The following SGK1 variants were observed in gnomAD, a reference collection of about 807,000 sequenced individuals.
SGK1 encodes serum/glucocorticoid regulated kinase 1.
SGK1 carries 26 observed loss-of-function variants against 64.2 expected under a neutral mutation model. The observed-to-expected ratio is 0.40, with a 90% confidence interval of 0.30 to 0.56. SGK1 has a LOEUF of 0.56. SGK1 is among the 20% of genes least tolerant of loss of function. The pLI, the probability that SGK1 is intolerant of heterozygous loss-of-function variation, is 0.38. For missense variants in SGK1, 519 were observed against 645.6 expected (o/e 0.80, Z 2.12); for synonymous variants, 265 against 239.7 (o/e 1.11, Z -0.98).
At position 134,269,445 on chromosome 6, in the gene SGK1, G is replaced by A. The variant is rs1053573860; in HGVS notation, c.70-7297C>T. Among the ~76,000 whole-genome samples the A allele has an allele frequency of 1.2e-4, 18 of 147,492 alleles. 2 individuals carry two copies. In the Admixed American group the frequency reaches 1.3e-3, roughly 10 times the overall value. Reference sequence around the variant, plus strand: ...AGGCCGAGGCAGGTGGATCATTTGAGGCCAGGTGTTAAAGACCAGGCTGGC... The same window carrying A: ...AGGCCGAGGCAGGTGGATCATTTGAAGCCAGGTGTTAAAGACCAGGCTGGC... On this transcript the variant is annotated intron_variant, in intron 1 of 13. Coordinates refer to ENST00000367858, the MANE Select transcript of SGK1 (RefSeq NM_001143676.3).
chr6:134,174,462 G>T, intron 4 of SGK1, 49 bp downstream of exon 4: 1 of 1,396,522 alleles, frequency 7.2e-7, no homozygotes, highest in Non-Finnish European at 1.0e-6. Context: ...GTTTACCGCT[G>T]GCAAATTCAA....
intron 1 of SGK1, among the ~76,000 whole-genome samples, chr6:134,286,291 C>A (rs1462520811): frequency 2.0e-5 from 3 of 152,044 alleles, no homozygotes; most frequent in Non-Finnish European, 4.4e-5. Flanking sequence ...AGGCCTGTCT[C>A]TACAAAAAAT....
At chr6:134,304,556 C>T (rs1261993759) in intron 1 of SGK1, among the ~76,000 whole-genome samples, 3 of 151,912 alleles carry the variant, frequency 2.0e-5, no homozygotes, top group Admixed American at 6.6e-5. Flanking sequence ...ATCTGGGAGG[C>T]GGAGGTTGCA....
intron 2 of SGK1, among the ~76,000 whole-genome samples, chr6:134,243,475 T>G (rs1404054997): frequency 6.6e-6 from 1 of 152,170 alleles, no homozygotes; most frequent in Non-Finnish European, 1.5e-5. Context: ...GTTCAAGCGA[T>G]TCCCCTGCCT....
At chr6:134,258,997 G>A (rs1276741590) in intron 2 of SGK1, among the ~76,000 whole-genome samples, 2 of 151,918 alleles carry the variant, frequency 1.3e-5, no homozygotes, top group African/African-American at 4.8e-5. Flanking sequence ...CAAAAAAAAA[G>A]TAATAAAATA....
intron 2 of SGK1, among the ~76,000 whole-genome samples, chr6:134,214,021 C>T (rs9493858): frequency 0.18 from 27,222 of 151,966 alleles, 3,128 homozygotes; most frequent in African/African-American, 0.33. Context: ...TCTTGCCTTA[C>T]TTTTTGGCTG....
rs1185952512 is a variant in SGK1, at chr6:134,317,338, A to G, written c.69+54T>C. On this transcript the variant is annotated intron_variant, in intron 1 of 13. Coordinates refer to ENST00000367858, the MANE Select transcript of SGK1 (RefSeq NM_001143676.3). ...AGGCTTACTTCAGGCAAACATTCAA[A>G]AGCATTTAAGAGAAGCACAGAAAAC... 2.3e-5 allele frequency: 26 copies of G among 1,134,110 alleles called. No homozygotes were observed. The East Asian group carries it at 6.1e-4, about 26-fold the overall frequency. 70.3% of individuals were successfully genotyped at this position (1,134,110 alleles called of 1,614,324 possible). A position where few individuals can be genotyped will look rare whatever the true frequency, so the allele number is the denominator to read the frequency against.
At chr6:134,254,713 A>G (rs979908426) in intron 2 of SGK1, among the ~76,000 whole-genome samples, 6 of 152,170 alleles carry the variant, frequency 3.9e-5, no homozygotes, top group African/African-American at 1.2e-4. Context: ...TTACCCACAC[A>G]TATATACTCA....
chr6:134,206,732 T>C (rs975675347), intron 3 of SGK1, among the ~76,000 whole-genome samples: 5 of 151,166 alleles, frequency 3.3e-5, no homozygotes, highest in African/African-American at 1.2e-4. Context: ...CCAGGCATGG[T>C]GGCTCATGCC....
At chr6:134,234,966 A>G (rs1196548188) in intron 2 of SGK1, among the ~76,000 whole-genome samples, 1 of 152,198 alleles carries the variant, frequency 6.6e-6, no homozygotes, top group Non-Finnish European at 1.5e-5. Context: ...CAAGTATTGG[A>G]AAAAAAGACC....
At chr6:134,201,065 CTTT>C (rs71003673) in intron 3 of SGK1, among the ~76,000 whole-genome samples, 1 of 138,580 alleles carries the variant, frequency 7.2e-6, no homozygotes, top group Non-Finnish European at 1.5e-5. Flanking sequence ...TTCTTTTCTT[CTTT>C]TTTTTTTTTT....
At chr6:134,268,096 C>T (rs1280579186) in intron 1 of SGK1, among the ~76,000 whole-genome samples, 1 of 152,166 alleles carries the variant, frequency 6.6e-6, no homozygotes, top group African/African-American at 2.4e-5. Flanking sequence ...GGCAAGGTGC[C>T]CTTCAAAACT....
rs1774981873 is a variant in SGK1 at position 134,170,535 on chromosome 6, T to G, written c.1414-100A>C. 7 of 1,125,988 alleles carry G rather than the reference T, an allele frequency of 6.2e-6. No homozygotes were observed. In the Admixed American group the frequency reaches 1.2e-4, roughly 19 times the overall value. 69.7% of individuals were successfully genotyped at this position (1,125,988 alleles called of 1,614,324 possible). A position where few individuals can be genotyped will look rare whatever the true frequency, so the allele number is the denominator to read the frequency against. ...TTAAATACCAAGTTTAAGTCTTATATCAACTTCCATAATCACCCACTTCAA... is the reference window on the plus strand; with the variant it reads ...TTAAATACCAAGTTTAAGTCTTATAGCAACTTCCATAATCACCCACTTCAA... On this transcript the variant is annotated intron_variant, in intron 13 of 13. Transcript: ENST00000367858.
intron 2 of SGK1, among the ~76,000 whole-genome samples, chr6:134,235,886 A>G (rs1776357854): frequency 6.6e-6 from 1 of 151,926 alleles, no homozygotes; most frequent in South Asian, 2.1e-4. Flanking sequence ...TAGATATTTT[A>G]GATAAGGAAC....
At position 134,317,569 on chromosome 6, in the gene SGK1, G is replaced by C. The variant is rs1002623030; in HGVS notation, c.-109C>G. 2.9e-5 allele frequency: 22 copies of C among 766,122 alleles called. No homozygotes were observed. The East Asian group carries it at 5.4e-4, about 19-fold the overall frequency. 47.5% of individuals were successfully genotyped at this position (766,122 alleles called of 1,614,324 possible). On this transcript the variant is annotated 5_prime_UTR_variant, in exon 1 of 14. Coordinates refer to ENST00000367858, the MANE Select transcript of SGK1 (RefSeq NM_001143676.3). Reference sequence around the variant, plus strand: ...TGCAGACAGTTAATGAAGACTGAGCGGGATGGAGAATCTAGCGGGGCTCAG... The same window carrying C: ...TGCAGACAGTTAATGAAGACTGAGCCGGATGGAGAATCTAGCGGGGCTCAG...
intron 3 of SGK1, among the ~76,000 whole-genome samples, chr6:134,192,479 C>G (rs1628660): frequency 0.3 from 45,583 of 152,024 alleles, 7,743 homozygotes; most frequent in East Asian, 0.57. Context: ...ATAGAATCAA[C>G]TTCAATCAAC....
intron 1 of SGK1, among the ~76,000 whole-genome samples, chr6:134,284,258 A>G (rs752882991): frequency 7.3e-5 from 11 of 151,554 alleles, no homozygotes; most frequent in Non-Finnish European, 1.3e-4. Flanking sequence ...ACGCCTGGCA[A>G]TTTTTGTATT....
At chr6:134,310,993 A>G (rs1459690859) in intron 1 of SGK1, among the ~76,000 whole-genome samples, 1 of 152,252 alleles carries the variant, frequency 6.6e-6, no homozygotes, top group African/African-American at 2.4e-5. Context: ...AAAGTATCAT[A>G]GAAGAGAAGG....
intron 3 of SGK1, among the ~76,000 whole-genome samples, chr6:134,204,400 C>T (rs1203980720): frequency 2.1e-5 from 3 of 145,260 alleles, no homozygotes; most frequent in African/African-American, 5.1e-5. Flanking sequence ...GTAATAAAAA[C>T]GTTTTAAAAA....
Sources: gnomAD v4.1 joint callset for allele counts (sites outside exome capture counted in the v4.1 genomes callset) on GRCh38, gnomAD v4.1.1 for gene constraint, MANE v1.5 for transcripts, NCBI Gene and HGNC (gene_info 2026-07-23, HGNC 2026-07-21) for gene names.